Variants in CHN1 observed in about 807,000 individuals in gnomAD.
CHN1 encodes the protein chimerin 1.
In CHN1, 37 loss-of-function variants were observed where a neutral mutation model predicts 59.5. The observed-to-expected ratio is 0.62, with a 90% confidence interval of 0.48 to 0.82. The LOEUF (loss-of-function observed/expected upper bound fraction) is 0.82, where lower values mean the gene tolerates loss of function less well. Ranked by LOEUF, CHN1 falls within the 40% of genes least tolerant of loss-of-function variation. The pLI is 0.00. For synonymous variants in CHN1, 206 were observed against 200.4 expected, an observed-to-expected ratio of 1.03 and a Z score of -0.24; for missense variants, 469 against 571.0, an observed-to-expected ratio of 0.82 and a Z score of 1.82.
intron 1 of CHN1, among the ~76,000 whole-genome samples, chr2:174,980,018 G>T (rs1559007899): frequency 6.6e-6 from 1 of 152,156 alleles, no homozygotes; most frequent in African/African-American, 2.4e-5. Flanking sequence ...CTCTATAGGG[G>T]AAGGAGAAGT....
At chr2:174,923,504 G>C (rs1471563404) in intron 3 of CHN1, among the ~76,000 whole-genome samples, 1 of 152,090 alleles carries the variant, frequency 6.6e-6, no homozygotes. Context: ...CATTAGAATG[G>C]GGTCCCCCAA....
rs753320163 is a variant in CHN1, at chr2:174,936,516, C to CAT, written c.114+8370_114+8371dup. Among the ~76,000 whole-genome samples, 5 of 152,076 alleles carry CAT rather than the reference C, an allele frequency of 3.3e-5. No homozygotes were observed. In the South Asian group the frequency reaches 8.3e-4, roughly 25 times the overall value. On this transcript the variant is annotated intron_variant, in intron 3 of 12. Transcript: ENST00000409900. ...CTATATACATACATGCACACACACA[C>CAT]ATATATAGATACACATTTACTTGAA...
intron 5 of CHN1, among the ~76,000 whole-genome samples, chr2:174,885,169 G>T (rs1687857911): frequency 6.6e-6 from 1 of 151,146 alleles, no homozygotes; most frequent in Admixed American, 6.6e-5. Context: ...CAGCTACTCA[G>T]GAGGACGAGA....
intron 7 of CHN1, among the ~76,000 whole-genome samples, chr2:174,839,907 C>T (rs552377824): frequency 6.6e-6 from 1 of 152,068 alleles, no homozygotes; most frequent in South Asian, 2.1e-4. Context: ...CCTGGCCTTA[C>T]TTAAATATTT....
At chr2:174,821,851 C>T (rs1685510655) in intron 8 of CHN1, 1 of 355,550 alleles carries the variant, frequency 2.8e-6, no homozygotes, top group Non-Finnish European at 5.7e-6. Flanking sequence ...ACCCAAAACT[C>T]CCCATCTCAA....
chr2:174,860,128 T>C (rs1687024235), intron 6 of CHN1, among the ~76,000 whole-genome samples: 1 of 152,166 alleles, frequency 6.6e-6, no homozygotes, highest in Non-Finnish European at 1.5e-5. Flanking sequence ...TCCTGATCTT[T>C]AAATAAAAAC....
At chr2:174,864,769 A>G (rs1023243160) in intron 6 of CHN1, among the ~76,000 whole-genome samples, 4 of 152,118 alleles carry the variant, frequency 2.6e-5, no homozygotes, top group African/African-American at 7.2e-5. Flanking sequence ...AGGCTCAGGT[A>G]GGAGGATTGC....
chr2:174,799,836 T>C lies in CHN1; in HGVS notation c.*280A>G. On this transcript the variant is annotated 3_prime_UTR_variant, in exon 13 of 13. Transcript: ENST00000409900. ...GCAGGCGCAGGTTTGTTGTTTCTTC[T>C]GTATGGGGTTTCCTTGCCAGATAGG... 1.8e-6 allele frequency: 1 copy of C among 567,776 alleles called. No individual in the cohort carries two copies. The highest frequency in any genetic ancestry group is 3.3e-6 in the Non-Finnish European group (1 of 299,410). 35.2% of individuals were successfully genotyped at this position (567,776 alleles called of 1,614,324 possible). A position where few individuals can be genotyped will look rare whatever the true frequency, so the allele number is the denominator to read the frequency against.
chr2:174,989,789 C>CAA (rs770863562), intron 1 of CHN1, among the ~76,000 whole-genome samples: 16 of 127,056 alleles, frequency 1.3e-4, no homozygotes, highest in Non-Finnish European at 2.0e-4. Flanking sequence ...AACCCTGTCT[C>CAA]AAAAAAAAAA....
chr2:174,936,522 T>C (rs1689501281), intron 3 of CHN1, among the ~76,000 whole-genome samples: 1 of 152,178 alleles, frequency 6.6e-6, no homozygotes, highest in Non-Finnish European at 1.5e-5. Flanking sequence ...CACACATATA[T>C]AGATACACAT....
At chr2:174,913,683 A>G (rs1368973793) in intron 5 of CHN1, among the ~76,000 whole-genome samples, 1 of 152,220 alleles carries the variant, frequency 6.6e-6, no homozygotes, top group African/African-American at 2.4e-5. Flanking sequence ...TTATTTCAGC[A>G]TTCAGTATGA....
intron 10 of CHN1, among the ~76,000 whole-genome samples, chr2:174,810,458 G>A (rs1190145472): frequency 6.6e-6 from 1 of 152,050 alleles, no homozygotes; most frequent in African/African-American, 2.4e-5. Flanking sequence ...TTGCTCTCTG[G>A]GGTCCATAGG....
intron 4 of CHN1, among the ~76,000 whole-genome samples, chr2:174,918,125 A>T (rs923065221): frequency 2.6e-5 from 4 of 152,128 alleles, no homozygotes; most frequent in Non-Finnish European, 5.9e-5. Flanking sequence ...CATAATAAAG[A>T]TAATACATAC....
chr2:174,988,149 G>A (rs905423530), intron 1 of CHN1, among the ~76,000 whole-genome samples: 4 of 152,090 alleles, frequency 2.6e-5, no homozygotes, highest in Non-Finnish European at 5.9e-5. Flanking sequence ...ACGAGGTCAG[G>A]AGATCGAGAC....
chr2:174,935,987 C>T (rs1420277763), intron 3 of CHN1, among the ~76,000 whole-genome samples: 1 of 152,074 alleles, frequency 6.6e-6, no homozygotes, highest in Non-Finnish European at 1.5e-5. Flanking sequence ...AAAATACATA[C>T]TCAGTATTAC....
chr2:175,004,828 G>A (rs556812080), intron 1 of CHN1, 66 bp downstream of exon 1: 5 of 1,146,462 alleles, frequency 4.4e-6, no homozygotes, highest in Non-Finnish European at 5.5e-6. Flanking sequence ...AGGCCCCCCA[G>A]GCCCCCGCCC....
At chr2:174,892,819 TA>T (rs1688095090) in intron 5 of CHN1, among the ~76,000 whole-genome samples, 1 of 152,130 alleles carries the variant, frequency 6.6e-6, no homozygotes, top group African/African-American at 2.4e-5. Context: ...ATACAAAATA[TA>T]AATGTAATAC....
chr2:174,855,853 A>C (rs1237648591), intron 6 of CHN1, among the ~76,000 whole-genome samples: 1 of 152,124 alleles, frequency 6.6e-6, no homozygotes, highest in East Asian at 1.9e-4. Context: ...CTGATAAATT[A>C]AGTATCTTGC....
chr2:174,878,434 C>T (rs1687641284), intron 5 of CHN1, among the ~76,000 whole-genome samples: 1 of 152,034 alleles, frequency 6.6e-6, no homozygotes, highest in African/African-American at 2.4e-5. Context: ...GAAAATAAAC[C>T]TCACACCACA....
Sources: gnomAD v4.1 joint callset for allele counts (sites outside exome capture counted in the v4.1 genomes callset) on GRCh38, gnomAD v4.1.1 for gene constraint, MANE v1.5 for transcripts, NCBI Gene and HGNC (gene_info 2026-07-23, HGNC 2026-07-21) for gene names.